The following USP30 variants were observed in gnomAD, a reference collection of about 807,000 sequenced individuals.
The protein encoded by USP30 is ubiquitin specific peptidase 30.
A neutral mutation model predicts 68.2 loss-of-function variants in USP30; 41 were observed. The ratio of observed to expected loss-of-function variants is 0.60; its 90% CI spans 0.47 to 0.78. The LOEUF (loss-of-function observed/expected upper bound fraction) is 0.78, where lower values mean the gene tolerates loss of function less well. Ranked by LOEUF, USP30 falls within the 30% of genes least tolerant of loss-of-function variation. USP30 has a pLI of 0.00. For synonymous variants in USP30, 229 were observed against 253.7 expected (o/e 0.90, Z 0.93); for missense variants, 522 against 649.4 (o/e 0.80, Z 2.13).
At chr12:109,026,121 G>A (rs887573310) in intron 2 of USP30, among the ~76,000 whole-genome samples, 1 of 151,960 alleles carries the variant, frequency 6.6e-6, no homozygotes, top group East Asian at 1.9e-4. Context: ...TGTTGCCCAG[G>A]CTGGAGTGCA....
At chr12:109,053,269 C>T (rs1470215237) in intron 1 of USP30, among the ~76,000 whole-genome samples, 1 of 152,160 alleles carries the variant, frequency 6.6e-6, no homozygotes, top group East Asian at 1.9e-4. Context: ...TGTTAGCCCG[C>T]CCTCTAGTCT....
chr12:109,058,572 C>A (rs80022791), intron 3 of USP30, among the ~76,000 whole-genome samples: 329 of 139,138 alleles, frequency 2.4e-3, no homozygotes, highest in South Asian at 2.7e-3. Flanking sequence ...AACTCCGTCT[C>A]AAAAAAAAAA....
chr12:109,071,013 A>G (rs2041421815), intron 4 of USP30, among the ~76,000 whole-genome samples: 2 of 152,206 alleles, frequency 1.3e-5, no homozygotes, highest in Admixed American at 6.5e-5. Flanking sequence ...TATGCCGAGG[A>G]AAATAAGCCA....
chr12:109,046,885 C>T (rs1320722854), intron 3 of USP30, among the ~76,000 whole-genome samples: 5 of 152,158 alleles, frequency 3.3e-5, no homozygotes, highest in African/African-American at 9.6e-5. Flanking sequence ...TTAGTAGAGA[C>T]GGGGTTTCAC....
intron 6 of USP30, among the ~76,000 whole-genome samples, chr12:109,073,070 A>G (rs564366617): frequency 6.6e-6 from 1 of 152,326 alleles, no homozygotes; most frequent in African/African-American, 2.4e-5. Context: ...GAACTTGCTT[A>G]TTCTGTTTAT....
In USP30 at chr12:109,073,454, A is replaced by C; in HGVS notation, c.642A>C (p.Thr214=). 6.2e-7 allele frequency: 1 copy of C among 1,614,118 alleles called. No homozygotes were observed. Among genetic ancestry groups the C allele is most frequent in the Non-Finnish European group, 8.5e-7 (1 of 1,179,920 alleles). ...GCATTCCAGGGTCACCTCACCCTAC[A>C]TCCAATCACTGGAAGTCTCAACATC... ...TCRTRGSPHP[T]SNHWKSQHPF... is the part of the protein sequence containing the mutation. The change falls in exon 7 of 13, where the codon ACA becomes ACC. Residue 214 remains threonine, a synonymous_variant. Transcript: ENST00000257548.
chr12:109,025,428 C>T (rs2040438093), intron 2 of USP30, among the ~76,000 whole-genome samples: 2 of 152,000 alleles, frequency 1.3e-5, no homozygotes, highest in South Asian at 4.1e-4. Flanking sequence ...CATTATGTTG[C>T]TCTCTTCACC....
upstream of USP30, among the ~76,000 whole-genome samples, chr12:109,049,520 T>C (rs1160567690): frequency 1.3e-5 from 2 of 152,078 alleles, no homozygotes; most frequent in Non-Finnish European, 2.9e-5. Flanking sequence ...GTAATAATAA[T>C]GAAAAACTTT....
chr12:109,036,104 G>A (rs776515777), intron 3 of USP30, among the ~76,000 whole-genome samples: 7 of 152,196 alleles, frequency 4.6e-5, no homozygotes, highest in Non-Finnish European at 1.0e-4. Context: ...AGGCTGAAGT[G>A]AGTCAGGGTT....
intron 3 of USP30, among the ~76,000 whole-genome samples, chr12:109,064,571 C>A (rs1348730288): frequency 6.6e-6 from 1 of 152,322 alleles, no homozygotes; most frequent in East Asian, 1.9e-4. Context: ...TAGACCACTG[C>A]ACCTGGCCTC....
At chr12:109,040,081 C>T (rs7967285) in intron 3 of USP30, among the ~76,000 whole-genome samples, 205 of 151,450 alleles carry the variant, frequency 1.4e-3, no homozygotes, top group African/African-American at 4.7e-3. Flanking sequence ...TTTTTTTCTA[C>T]ATGTGAAAAC....
chr12:109,045,454 G>A (rs1366879589), intron 3 of USP30, among the ~76,000 whole-genome samples: 1 of 151,996 alleles, frequency 6.6e-6, no homozygotes, highest in African/African-American at 2.4e-5. Flanking sequence ...GGGGGTGGGG[G>A]GTGATGGTCC....
intron 12 of USP30, 88 bp downstream of exon 12, chr12:109,085,161 A>G (rs2041910440): frequency 7.9e-7 from 1 of 1,272,738 alleles, no homozygotes; most frequent in African/African-American, 1.5e-5. Flanking sequence ...ATTAAGGAAA[A>G]TATAGATGTT....
intron 4 of USP30, among the ~76,000 whole-genome samples, chr12:109,071,100 T>C (rs1010463799): frequency 5.3e-5 from 8 of 152,162 alleles, no homozygotes; most frequent in African/African-American, 1.9e-4. Flanking sequence ...AGATAAAGAA[T>C]GGTGGGTGCC....
At chr12:109,056,639 G>A in intron 1 of USP30, 43 bp from the exon 2 acceptor site, 2 of 1,445,610 alleles carry the variant, frequency 1.4e-6, no homozygotes, top group South Asian at 2.5e-5. Flanking sequence ...TTTGCCTTTT[G>A]TGTTTGTGTG....
At chr12:109,053,799 G>C (rs533682853) in intron 1 of USP30, 1 of 271,820 alleles carries the variant, frequency 3.7e-6, no homozygotes, top group African/African-American at 2.3e-5. Flanking sequence ...ACTTGTCCCT[G>C]GGTATTTTTT....
At chr12:109,078,110 C>T (rs181909621) in intron 7 of USP30, among the ~76,000 whole-genome samples, 1 of 152,094 alleles carries the variant, frequency 6.6e-6, no homozygotes, top group East Asian at 1.9e-4. Flanking sequence ...TTTTGAGGAA[C>T]CTCCTCCGTA....
chr12:109,063,061 G>A (rs1414792245), intron 3 of USP30, among the ~76,000 whole-genome samples: 1 of 151,952 alleles, frequency 6.6e-6, no homozygotes, highest in Non-Finnish European at 1.5e-5. Flanking sequence ...GTTATACCAT[G>A]TATCAGAATT....
At chr12:109,037,195 G>A (rs1156274978) in intron 3 of USP30, among the ~76,000 whole-genome samples, 3 of 151,990 alleles carry the variant, frequency 2.0e-5, no homozygotes, top group Non-Finnish European at 4.4e-5. Context: ...GTTCAAATCT[G>A]CTGTTGTGCT....
Sources: allele counts gnomAD v4.1 joint callset (sites outside exome capture counted in the v4.1 genomes callset), GRCh38; gene constraint gnomAD v4.1.1; transcripts MANE v1.5; gene names NCBI Gene and HGNC (gene_info 2026-07-23, HGNC 2026-07-21).